FRMPD4: variants seen among roughly 807,000 people sequenced by gnomAD.
FRMPD4 encodes FERM and PDZ domain containing 4.
In FRMPD4, 22 loss-of-function variants were observed where a neutral mutation model predicts 94.1. The observed-to-expected ratio is 0.23, with a 90% confidence interval of 0.17 to 0.33. The LOEUF (loss-of-function observed/expected upper bound fraction) is 0.33. Ranked by LOEUF, FRMPD4 falls within the 10% of genes least tolerant of loss-of-function variation. The pLI is 1.00. For missense variants in FRMPD4, 1,111 were observed against 1,339.9 expected, an observed-to-expected ratio of 0.83 and a Z score of 2.67; for synonymous variants, 631 against 548.6, an observed-to-expected ratio of 1.15 and a Z score of -2.10.
chrX:12,490,082 A>C (rs1396903716), intron 1 of FRMPD4, among the ~76,000 whole-genome samples: 1 of 111,579 alleles, frequency 9.0e-6, no homozygotes, highest in Non-Finnish European at 1.9e-5. Context: ...CTTGAAAAAG[A>C]GAAATAGAGC....
At chrX:12,428,952 G>GGATT (rs982780562) in intron 1 of FRMPD4, among the ~76,000 whole-genome samples, 5 of 111,845 alleles carry the variant, frequency 4.5e-5, no homozygotes, top group African/African-American at 1.6e-4. Context: ...TAGGGCTTGT[G>GGATT]GATTGATAGA....
At chrX:12,374,986 G>A (rs2056215818) in intron 1 of FRMPD4, 1 of 112,499 alleles carries the variant, frequency 8.9e-6, no homozygotes, top group African/African-American at 3.2e-5. Context: ...GCTCTGGTTT[G>A]TGATATGCTT....
intron 7 of FRMPD4, among the ~76,000 whole-genome samples, 176 bp downstream of exon 7, chrX:12,686,380 T>C (rs771372504): frequency 5.3e-5 from 6 of 112,409 alleles, no homozygotes; most frequent in African/African-American, 1.9e-4. Context: ...AGCCAAAAGC[T>C]TAAACCAAGA....
At chrX:12,023,976 T>C (rs985821912) in intron 3 of FRMPD4, among the ~76,000 whole-genome samples, 3 of 111,547 alleles carry the variant, frequency 2.7e-5, no homozygotes, top group Admixed American at 9.5e-5. Flanking sequence ...TACTTTTTTT[T>C]CTAAAGTCAG....
intron 3 of FRMPD4, among the ~76,000 whole-genome samples, chrX:12,045,657 C>G (rs1210528105): frequency 9.0e-6 from 1 of 111,080 alleles, no homozygotes; most frequent in Non-Finnish European, 1.9e-5. Flanking sequence ...GATTATTTTT[C>G]CCAAGTCTAT....
intron 1 of FRMPD4, among the ~76,000 whole-genome samples, chrX:12,315,512 G>A (rs1371040529): frequency 9.0e-6 from 1 of 111,647 alleles, no homozygotes; most frequent in Non-Finnish European, 1.9e-5. Context: ...AAAGAACAGA[G>A]GCAGCCTGGG....
chrX:12,521,843 G>A (rs1306132862), intron 2 of FRMPD4, among the ~76,000 whole-genome samples: 3 of 109,609 alleles, frequency 2.7e-5, no homozygotes, highest in Non-Finnish European at 5.7e-5. Context: ...AGAAAAGGGA[G>A]AATAAAGTCA....
At chrX:12,167,854 C>T (rs2052534932) in intron 1 of FRMPD4, among the ~76,000 whole-genome samples, 1 of 111,673 alleles carries the variant, frequency 9.0e-6, no homozygotes, top group African/African-American at 3.3e-5. Context: ...TATTTGTCTT[C>T]CAGGAATAAA....
chrX:12,041,674 G>A (rs904908072), intron 3 of FRMPD4, among the ~76,000 whole-genome samples: 1 of 110,065 alleles, frequency 9.1e-6, no homozygotes, highest in Non-Finnish European at 1.9e-5. Context: ...GAGCTTCTTG[G>A]ATCTATAAAT....
At chrX:11,983,268 T>C (rs1389031394) in intron 3 of FRMPD4, among the ~76,000 whole-genome samples, 1 of 112,273 alleles carries the variant, frequency 8.9e-6, no homozygotes, top group Non-Finnish European at 1.9e-5. Context: ...ATTCATTTTT[T>C]ATTCACATTT....
chrX:12,668,481 A>G (rs988809547), intron 4 of FRMPD4, among the ~76,000 whole-genome samples: 1 of 111,653 alleles, frequency 9.0e-6, no homozygotes, highest in African/African-American at 3.3e-5. Flanking sequence ...AATATAATCA[A>G]CATATTTTGA....
chrX:12,059,427 C>T (rs1195156213), intron 3 of FRMPD4, among the ~76,000 whole-genome samples: 1 of 111,407 alleles, frequency 9.0e-6, no homozygotes, highest in East Asian at 2.8e-4. Flanking sequence ...AATATTTCAT[C>T]TAATGTCTTT....
chrX:11,857,596 A>G (rs1297459359), intron 1 of FRMPD4, among the ~76,000 whole-genome samples: 1 of 113,056 alleles, frequency 8.8e-6, no homozygotes, highest in East Asian at 2.8e-4. Flanking sequence ...TGAAAGCTAT[A>G]AAAACCCTGG....
At chrX:11,996,850 A>T (rs1444452245) in intron 3 of FRMPD4, among the ~76,000 whole-genome samples, 1 of 111,980 alleles carries the variant, frequency 8.9e-6, no homozygotes, top group Non-Finnish European at 1.9e-5. Context: ...CAAGATAGAC[A>T]TATATGCATA....
intron 2 of FRMPD4, among the ~76,000 whole-genome samples, chrX:12,606,688 G>A (rs983283664): frequency 1.8e-5 from 2 of 111,249 alleles, no homozygotes; most frequent in Non-Finnish European, 3.8e-5. Context: ...TGTCTGCTGT[G>A]GAAAATGGTG....
intron 1 of FRMPD4, among the ~76,000 whole-genome samples, chrX:12,145,608 A>C (rs1305944406): frequency 4.4e-5 from 5 of 113,151 alleles, no homozygotes; most frequent in African/African-American, 1.6e-4. Flanking sequence ...GACCATTTTT[A>C]TAAATAAAGT....
intron 1 of FRMPD4, among the ~76,000 whole-genome samples, chrX:12,209,450 A>G (rs1473408309): frequency 8.9e-6 from 1 of 112,451 alleles, no homozygotes; most frequent in East Asian, 2.8e-4. Flanking sequence ...ATCAAGAGAA[A>G]CTGGAATCCT....
At chrX:12,679,110 C>G (rs1297508342) in intron 5 of FRMPD4, among the ~76,000 whole-genome samples, 2 of 112,246 alleles carry the variant, frequency 1.8e-5, no homozygotes, top group African/African-American at 3.2e-5. Context: ...GCTGAGCATA[C>G]CAGCCCAATT....
chrX:12,683,922 C>A (rs765848779), intron 6 of FRMPD4, among the ~76,000 whole-genome samples: 7 of 112,369 alleles, frequency 6.2e-5, no homozygotes, highest in Non-Finnish European at 1.3e-4. Context: ...TTTGAAACTT[C>A]CACCTTTTTC....
Sources: gnomAD v4.1 joint callset for allele counts (sites outside exome capture counted in the v4.1 genomes callset) on GRCh38, gnomAD v4.1.1 for gene constraint, MANE v1.5 for transcripts, NCBI Gene and HGNC (gene_info 2026-07-23, HGNC 2026-07-21) for gene names.